The following ROCK1 variants were observed in gnomAD, a reference collection of about 807,000 sequenced individuals.
The protein encoded by ROCK1 is rho-associated protein kinase 1.
A neutral mutation model predicts 196.8 loss-of-function variants in ROCK1; 36 were observed. That is an observed-to-expected ratio of 0.18 (90% CI 0.14 to 0.24). The LOEUF is 0.24. ROCK1 is among the 10% of genes least tolerant of loss of function. The probability of loss-of-function intolerance (pLI) is 1.00; values close to 1 mark genes in which losing one functional copy is unlikely to be tolerated. For missense variants in ROCK1, 920 were observed against 1,562.0 expected, an observed-to-expected ratio of 0.59 and a Z score of 6.93; for synonymous variants, 443 against 515.9, an observed-to-expected ratio of 0.86 and a Z score of 1.91.
At chr18:21,075,389 T>C (rs1310185634) in intron 1 of ROCK1, among the ~76,000 whole-genome samples, 1 of 152,178 alleles carries the variant, frequency 6.6e-6, no homozygotes, top group Non-Finnish European at 1.5e-5. Context: ...GTGACTTCAT[T>C]AACCAAGGCA....
At chr18:20,989,506 A>T (rs1439759686) in intron 18 of ROCK1, among the ~76,000 whole-genome samples, 1 of 152,186 alleles carries the variant, frequency 6.6e-6, no homozygotes, top group African/African-American at 2.4e-5. Flanking sequence ...GATATTTTTT[A>T]ATTTTTTTCT....
At chr18:21,022,472 T>C (rs1379151589) in intron 11 of ROCK1, among the ~76,000 whole-genome samples, 1 of 152,170 alleles carries the variant, frequency 6.6e-6, no homozygotes, top group Non-Finnish European at 1.5e-5. Context: ...TGCTCTTCTT[T>C]GCCTTAAAAT....
At chr18:21,015,979 C>CAAAA (rs561684521) in intron 12 of ROCK1, among the ~76,000 whole-genome samples, 1 of 127,166 alleles carries the variant, frequency 7.9e-6, no homozygotes, top group Non-Finnish European at 1.7e-5. Flanking sequence ...GACTCCATCT[C>CAAAA]AAAAAAAAAA....
chr18:21,110,698 A>G, intron 1 of ROCK1, 120 bp downstream of exon 1: 1 of 792,632 alleles, frequency 1.3e-6, no homozygotes, highest in Non-Finnish European at 2.1e-6. Flanking sequence ...GGAAACAGAA[A>G]TCTAGCATTT....
chr18:20,968,493 G>A, intron 25 of ROCK1: 2 of 294,320 alleles, frequency 6.8e-6, no homozygotes, highest in Non-Finnish European at 6.2e-6. Context: ...TTTTAGTAGA[G>A]ACTGGGGTTT....
At chr18:21,022,141 A>C (rs771514513) in intron 11 of ROCK1, among the ~76,000 whole-genome samples, 9 of 152,070 alleles carry the variant, frequency 5.9e-5, no homozygotes, top group Non-Finnish European at 1.0e-4. Context: ...TAGGCTTGCA[A>C]TGTCTCTGTG....
intron 2 of ROCK1, among the ~76,000 whole-genome samples, chr18:21,052,680 C>A (rs1378333944): frequency 6.6e-6 from 1 of 152,118 alleles, no homozygotes; most frequent in Non-Finnish European, 1.5e-5. Context: ...GGGGCACAAA[C>A]CCTATTGTGA....
At chr18:21,104,842 CAAAT>C (rs1406257943) in intron 1 of ROCK1, among the ~76,000 whole-genome samples, 2 of 152,142 alleles carry the variant, frequency 1.3e-5, no homozygotes, top group African/African-American at 4.8e-5. Context: ...CACAACTAAA[CAAAT>C]AAACAGTCTC....
intron 13 of ROCK1, among the ~76,000 whole-genome samples, chr18:21,009,061 A>C (rs892831108): frequency 3.3e-5 from 5 of 151,464 alleles, no homozygotes; most frequent in African/African-American, 9.7e-5. Flanking sequence ...CCGTCCTCCC[A>C]CCACCCATAC....
intron 18 of ROCK1, among the ~76,000 whole-genome samples, chr18:20,989,321 C>T (rs2143403048): frequency 6.6e-6 from 1 of 152,232 alleles, no homozygotes; most frequent in East Asian, 1.9e-4. Context: ...AAAGCCTTAG[C>T]TCATAAAGAC....
intron 27 of ROCK1, among the ~76,000 whole-genome samples, chr18:20,964,563 T>C (rs2035355372): frequency 6.6e-6 from 1 of 152,182 alleles, no homozygotes; most frequent in Non-Finnish European, 1.5e-5. Flanking sequence ...TGAGATTTTA[T>C]AAAGTCTCAA....
chr18:21,099,500 T>G (rs1050985746), intron 1 of ROCK1, among the ~76,000 whole-genome samples: 1 of 152,074 alleles, frequency 6.6e-6, no homozygotes, highest in Admixed American at 6.5e-5. Flanking sequence ...TCCCAACACT[T>G]TGGGGGGTTG....
chr18:21,025,944 A>G (rs1484406114), intron 10 of ROCK1, among the ~76,000 whole-genome samples: 1 of 152,234 alleles, frequency 6.6e-6, no homozygotes, highest in Non-Finnish European at 1.5e-5. Context: ...GCTAGAGAAC[A>G]TAATCAAGTG....
chr18:20,982,735 G>C (rs1345724157), intron 21 of ROCK1, 28 bp downstream of exon 21: 1 of 1,112,336 alleles, frequency 9.0e-7, no homozygotes, highest in Non-Finnish European at 1.4e-6. Flanking sequence ...TTGAAACAGT[G>C]TGTATGTTAA....
chr18:21,054,890 C>T (rs554097046), intron 2 of ROCK1, among the ~76,000 whole-genome samples: 2 of 152,132 alleles, frequency 1.3e-5, no homozygotes, highest in Admixed American at 6.5e-5. Flanking sequence ...AGAAAACTTA[C>T]ACTCTCTAAG....
chr18:20,959,086 T>TATATATAATATATATATTATATATA (rs1568367368), intron 29 of ROCK1, among the ~76,000 whole-genome samples: 2 of 29,804 alleles, frequency 6.7e-5, no homozygotes, highest in African/African-American at 2.5e-4. Flanking sequence ...ATATATATAT[T>TATATATAATATATATATTATATATA]TTATATAATA....
intron 27 of ROCK1, among the ~76,000 whole-genome samples, chr18:20,965,380 G>C (rs2035363134): frequency 1.3e-5 from 2 of 150,126 alleles, no homozygotes; most frequent in African/African-American, 4.9e-5. Context: ...GAGTGAGACT[G>C]TTTCATACAT....
At chr18:21,015,388 G>A in intron 13 of ROCK1, 43 bp downstream of exon 13, 1 of 1,305,502 alleles carries the variant, frequency 7.7e-7, no homozygotes, top group Non-Finnish European at 1.1e-6. Flanking sequence ...TTGAAAGAGG[G>A]AAAAATCTCA....
At chr18:21,008,284 G>GA (rs958448101) in intron 13 of ROCK1, 90 bp from the exon 14 acceptor site, 39,658 of 685,012 alleles carry the variant, frequency 0.058, no homozygotes, top group East Asian at 0.073. Flanking sequence ...CAAAAAACAA[G>GA]AAAAAAAAAA....
Sources: gnomAD v4.1 joint callset for allele counts (sites outside exome capture counted in the v4.1 genomes callset) on GRCh38, gnomAD v4.1.1 for gene constraint, MANE v1.5 for transcripts, NCBI Gene and HGNC (gene_info 2026-07-23, HGNC 2026-07-21) for gene names.